The following TRMT2A variants were observed in gnomAD, a reference collection of about 807,000 sequenced individuals.
TRMT2A encodes tRNA methyltransferase 2A.
In TRMT2A, 60 loss-of-function variants were observed where a neutral mutation model predicts 59.3. That is an observed-to-expected ratio of 1.01 (90% CI 0.82 to 1.26). The LOEUF (loss-of-function observed/expected upper bound fraction) is 1.26, where lower values mean the gene tolerates loss of function less well. TRMT2A is among the 50% of genes most tolerant of loss of function. TRMT2A has a pLI of 0.00. For synonymous variants in TRMT2A, 403 were observed against 353.7 expected (o/e 1.14, Z -1.56); for missense variants, 863 against 845.2 (o/e 1.02, Z -0.26).
Position 20,113,490 on chromosome 22 carries a change from A to G in TRMT2A, c.1374T>C (p.Ile458=). ...CAGCCTCTGGGCATAGCTCGACCCC[A>G]ATGACCCTCTTTACCTTCTGAAACA... The part of the protein sequence containing the change: ...LALARKVKRV[I]GVELCPEAVE... Residue 458 remains isoleucine, a synonymous_variant, in exon 9 of 12, where the codon ATT becomes ATC. Coordinates refer to ENST00000252136, the MANE Select transcript of TRMT2A (RefSeq NM_022727.6). 1 of 1,602,300 alleles carries G rather than the reference A, an allele frequency of 6.2e-7. No homozygotes were observed. The highest frequency in any genetic ancestry group is 1.1e-5 in the South Asian group (1 of 90,786).
At position 20,112,404 on chromosome 22, in the gene TRMT2A, G is replaced by T; in HGVS notation, c.*159C>A. On this transcript the variant is annotated 3_prime_UTR_variant, in exon 12 of 12. Coordinates refer to ENST00000252136, the MANE Select transcript of TRMT2A (RefSeq NM_022727.6). ...AGGAACCCACCTGTCTTCCTGGTCA[G>T]GGCCCCTGGCCCCTAGCAGCAGGCC... 1.0e-6 allele frequency: 1 copy of T among 978,992 alleles called. No individual in the cohort carries two copies. The highest frequency in any genetic ancestry group is 1.5e-6 in the Non-Finnish European group (1 of 673,438). 60.6% of individuals were successfully genotyped at this position (978,992 alleles called of 1,614,324 possible).
In TRMT2A at chr22:20,112,222, C is replaced by G; in HGVS notation, c.*341G>C. 1 of 348,200 alleles carries G rather than the reference C, an allele frequency of 2.9e-6. No homozygotes were observed. The highest frequency in any genetic ancestry group is 5.2e-6 in the Non-Finnish European group (1 of 191,722). The allele number at this position is 348,200 out of a possible 1,614,324, so 21.6% of individuals were successfully genotyped here. ...CAGCCATGCAGAGAGGCTTGCAGAGCTGCCTAGGCCTAGTTTGGCCCTTTC... is the reference window on the plus strand; with the variant it reads ...CAGCCATGCAGAGAGGCTTGCAGAGGTGCCTAGGCCTAGTTTGGCCCTTTC... On this transcript the variant is annotated 3_prime_UTR_variant, in exon 12 of 12. Transcript: ENST00000252136.
At chr22:20,113,401 C>CCCCCCCCCCCCCCCCCCCCCAGG in intron 9 of TRMT2A, 31 bp downstream of exon 9, 1 of 893,472 alleles carries the variant, frequency 1.1e-6, no homozygotes, top group Non-Finnish European at 1.8e-6. Context: ...CTGCCCCCAT[C>CCCCCCCCCCCCCCCCCCCCCAGG]CCCACCCCCA....
In TRMT2A at chr22:20,116,477, C is replaced by T. The variant is rs770067331; in HGVS notation, c.160G>A (p.Gly54Arg). Reference protein sequence around the residue: ...KEGAGAATGPGPQPGLYSYIR... With the variant: ...KEGAGAATGPRPQPGLYSYIR... ...TAGCTGTAGAGCCCGGGCTGAGGCC[C>T]CGGCCCTGTAGCCGCCCCAGCGCCC... Residue 54 changes from glycine (G) to arginine (R), a missense_variant, in exon 2 of 12, where the codon GGG (glycine) becomes AGG (arginine). Transcript: ENST00000252136. 5.0e-6 allele frequency: 8 copies of T among 1,612,774 alleles called. No individual in the cohort carries two copies. Among genetic ancestry groups the T allele is most frequent in the African/African-American group, 1.3e-5 (1 of 74,946 alleles).
chr22:20,115,250 C>T lies in TRMT2A; in HGVS notation c.890+16G>A, dbSNP rs141101019. The T allele has an allele frequency of 9.6e-5, 154 of 1,603,892 alleles. No homozygotes were observed. The African/African-American group carries it at 1.3e-3, about 13-fold the overall frequency. ...ACCGCATAGGACTTCCCGGGAGCCC[C>T]GTCACAGGTCCTCACCGGATGAACT... is the stretch of plus-strand genomic sequence containing the variant. On this transcript the variant is annotated intron_variant, in intron 4 of 11. Transcript: ENST00000252136.
Position 20,117,081 on chromosome 22 carries a change from G to A in TRMT2A, c.-175C>T. The A allele has an allele frequency of 6.0e-6, 5 of 837,400 alleles. No individual in the cohort carries two copies. The highest frequency in any genetic ancestry group is 7.4e-6 in the Non-Finnish European group (4 of 539,170). The allele number at this position is 837,400 out of a possible 1,614,324, so 51.9% of individuals were successfully genotyped here. A position where few individuals can be genotyped will look rare whatever the true frequency, so the allele number is the denominator to read the frequency against. On this transcript the variant is annotated 5_prime_UTR_variant, in exon 1 of 12. Transcript: ENST00000252136. ...CGCCACCCCCGGCTTCGCCCCAGGC[G>A]GGGCGGGACTCGAACCTGCGATGCT...
chr22:20,117,057 G>T lies in TRMT2A; in HGVS notation c.-151C>A, dbSNP rs1297702002. The T allele has an allele frequency of 6.0e-6, 6 of 993,590 alleles. No homozygotes were observed. The highest frequency in any genetic ancestry group is 8.9e-6 in the Non-Finnish European group (6 of 675,908). 61.5% of individuals were successfully genotyped at this position (993,590 alleles called of 1,614,324 possible). A position where few individuals can be genotyped will look rare whatever the true frequency, so the allele number is the denominator to read the frequency against. ...GCCGGTGCAACGCCGCGAGGTCGCCGCCACCCCCGGCTTCGCCCCAGGCGG... is the reference window on the plus strand; with the variant it reads ...GCCGGTGCAACGCCGCGAGGTCGCCTCCACCCCCGGCTTCGCCCCAGGCGG... On this transcript the variant is annotated 5_prime_UTR_variant, in exon 1 of 12. Coordinates refer to ENST00000252136, the MANE Select transcript of TRMT2A (RefSeq NM_022727.6).
rs1602514332 is a variant in TRMT2A, at chr22:20,114,643, A to G, written c.1164T>C (p.Ala388=). 6.2e-7 allele frequency: 1 copy of G among 1,613,858 alleles called. No individual in the cohort carries two copies. Residue 388 remains alanine, a synonymous_variant, in exon 7 of 12, where the codon GCT becomes GCC. Transcript: ENST00000252136. ...GGTCCTCGTGGATGCACCGGTCCCC[A>G]GCCACATGCTCCAGGGGCAGGCCCT... is the stretch of plus-strand genomic sequence containing the variant. ...SQEGLPLEHV[A]GDRCIHEDLL...
intron 8 of TRMT2A, 84 bp from the exon 9 acceptor site, chr22:20,113,591 G>T: frequency 1.9e-6 from 3 of 1,606,582 alleles, no homozygotes; most frequent in Non-Finnish European, 2.6e-6. Flanking sequence ...GCTGGGCCTG[G>T]GGCATGATGG....
intron 1 of TRMT2A, 93 bp from the exon 2 acceptor site, chr22:20,116,705 G>T (rs1602525408): frequency 2.1e-6 from 3 of 1,459,598 alleles, no homozygotes; most frequent in Admixed American, 2.3e-5. Flanking sequence ...ACCTCCGTCG[G>T]TGCACTCTGC....
chr22:20,111,943 C>G lies in TRMT2A; in HGVS notation c.*620G>C, dbSNP rs1306967346. ...TGTGGACCCTTGACTGGCCAGATCCCCTCCTGGGGCCTCCCTGCAGGCTGG... is the reference window on the plus strand; with the variant it reads ...TGTGGACCCTTGACTGGCCAGATCCGCTCCTGGGGCCTCCCTGCAGGCTGG... On this transcript the variant is annotated 3_prime_UTR_variant, in exon 12 of 12. Coordinates refer to ENST00000252136, the MANE Select transcript of TRMT2A (RefSeq NM_022727.6). 4 of 155,242 alleles carry G rather than the reference C, an allele frequency of 2.6e-5. No homozygotes were observed. Among genetic ancestry groups the G allele is most frequent in the African/African-American group, 9.6e-5 (4 of 41,578 alleles). 9.6% of individuals were successfully genotyped at this position (155,242 alleles called of 1,614,324 possible). A position where few individuals can be genotyped will look rare whatever the true frequency, so the allele number is the denominator to read the frequency against.
intron 3 of TRMT2A, 41 bp downstream of exon 3, chr22:20,115,631 A>G (rs1465308361): frequency 6.2e-7 from 1 of 1,608,048 alleles, no homozygotes; most frequent in East Asian, 2.2e-5. Context: ...GTTTTTCAAA[A>G]CCCAGGATAG....
chr22:20,113,949 G>A, intron 7 of TRMT2A, 141 bp from the exon 8 acceptor site: 1 of 1,228,746 alleles, frequency 8.1e-7, no homozygotes, highest in Middle Eastern at 2.9e-4. Context: ...CGTCTTCCCT[G>A]ACCCCACCTT....
intron 7 of TRMT2A, 67 bp downstream of exon 7, chr22:20,114,495 CCACTGTTCCCAT>C (rs1221787027): frequency 1.3e-5 from 15 of 1,198,622 alleles, no homozygotes; most frequent in Non-Finnish European, 1.7e-5. Context: ...CCGCCTGAGC[CCACTGTTCCCAT>C]CACGTCCTGA....
Position 20,114,951 on chromosome 22 carries a change from GC to G in TRMT2A, c.1005+13del. The G allele has an allele frequency of 1.3e-6, 2 of 1,577,484 alleles. No individual in the cohort carries two copies. On this transcript the variant is annotated intron_variant, in intron 5 of 11. Transcript: ENST00000252136. Reference sequence around the variant, plus strand: ...AGGCTAGGCACCCTCCCCCAGCAGGGCCCCCGTTGAGACCTGGGGGTGGAAG... The same window carrying G: ...AGGCTAGGCACCCTCCCCCAGCAGGGCCCCGTTGAGACCTGGGGGTGGAAG...
Position 20,113,742 on chromosome 22 carries a change from T to TCC in TRMT2A, c.1298_1299dup (p.Ser434GlyfsTer22). On this transcript the variant is annotated frameshift_variant, in exon 8 of 12. Transcript: ENST00000252136. LOFTEE classifies it high-confidence loss of function. Reference sequence around the variant, plus strand: ...CCACAGCACACGTCCAGCACCATGCTCCCCGCATCCAATTGGGCCCAGTCC... The same window carrying TCC: ...CCACAGCACACGTCCAGCACCATGCTCCCCCCGCATCCAATTGGGCCCAGTCC... 1 of 1,608,432 alleles carries TCC rather than the reference T, an allele frequency of 6.2e-7. No homozygotes were observed. Among genetic ancestry groups the TCC allele is most frequent in the Non-Finnish European group, 8.5e-7 (1 of 1,178,320 alleles).
Position 20,113,698 on chromosome 22 carries a change from C to G in TRMT2A, c.1344G>C (p.Leu448=). The change falls in exon 8 of 12, where the codon CTG becomes CTC. Residue 448 remains leucine, a synonymous_variant. Coordinates refer to ENST00000252136, the MANE Select transcript of TRMT2A (RefSeq NM_022727.6). ...DVCCGTGTIG[L]ALARKVKRVI... Reference sequence around the variant, plus strand: ...CAGGAGGGCTCACCCGGGCCAGGGCCAGGCCAATGGTGCCGGTGCCACAGC... The same window carrying G: ...CAGGAGGGCTCACCCGGGCCAGGGCGAGGCCAATGGTGCCGGTGCCACAGC... 6 of 1,600,624 alleles carry G rather than the reference C, an allele frequency of 3.7e-6. No individual in the cohort carries two copies. The highest frequency in any genetic ancestry group is 5.1e-6 in the Non-Finnish European group (6 of 1,173,980).
At position 20,113,725 on chromosome 22, in the gene TRMT2A, C is replaced by G. The variant is rs761080550; in HGVS notation, c.1317G>C (p.Val439=). 6.2e-7 allele frequency: 1 copy of G among 1,606,574 alleles called. No individual in the cohort carries two copies. The highest frequency in any genetic ancestry group is 1.1e-5 in the South Asian group (1 of 90,224). ...GGCCAATGGTGCCGGTGCCACAGCACACGTCCAGCACCATGCTCCCCGCAT... is the reference window on the plus strand; with the variant it reads ...GGCCAATGGTGCCGGTGCCACAGCAGACGTCCAGCACCATGCTCCCCGCAT... The part of the protein sequence containing the change: ...QLDAGSMVLD[V]CCGTGTIGLA... The change falls in exon 8 of 12, where the codon GTG becomes GTC. Residue 439 remains valine, a synonymous_variant. Transcript: ENST00000252136.
rs774082547 is a variant in TRMT2A, at chr22:20,115,798, C to T, written c.600-18G>A. The T allele has an allele frequency of 3.8e-6, 6 of 1,596,116 alleles. No individual in the cohort carries two copies. Among genetic ancestry groups the T allele is most frequent in the South Asian group, 2.2e-5 (2 of 90,328 alleles). The stretch of plus-strand genomic sequence containing the variant: ...CGATTTCCCTGTAAGAGGAGCAGAT[C>T]GGTGGTTGGACTCCACCTACTGCCC... On this transcript the variant is annotated intron_variant, in intron 2 of 11. Transcript: ENST00000252136.
Sources: gnomAD v4.1 joint callset for allele counts on GRCh38, gnomAD v4.1.1 for gene constraint, MANE v1.5 for transcripts, NCBI Gene and HGNC (gene_info 2026-07-23, HGNC 2026-07-21) for gene names.